MCUB: variants seen among roughly 807,000 people sequenced by gnomAD.
MCUB encodes mitochondrial calcium uniporter dominant negative subunit beta, also known as calcium uniporter regulatory subunit MCUb, mitochondrial.
A neutral mutation model predicts 41.4 loss-of-function variants in MCUB; 46 were observed. The observed-to-expected ratio is 1.11, with a 90% CI of 0.88 to 1.42. The LOEUF (loss-of-function observed/expected upper bound fraction) is 1.42, where lower values mean the gene tolerates loss of function less well. Among genes scored for constraint, MCUB ranks in the 40% most tolerant of loss-of-function variants. The pLI, the probability that MCUB is intolerant of heterozygous loss-of-function variation, is 0.00. For synonymous variants in MCUB, 148 were observed against 148.2 expected, an observed-to-expected ratio of 1.00 and a Z score of 0.01; for missense variants, 403 against 404.9, an observed-to-expected ratio of 1.00 and a Z score of 0.04.
intron 1 of MCUB, among the ~76,000 whole-genome samples, chr4:109,563,938 T>C (rs1726700935): frequency 6.6e-6 from 1 of 152,036 alleles, no homozygotes; most frequent in Non-Finnish European, 1.5e-5. Flanking sequence ...GACCTAATAA[T>C]CTACTCAATC....
At chr4:109,562,712 G>C (rs914188615) in intron 1 of MCUB, among the ~76,000 whole-genome samples, 1 of 152,156 alleles carries the variant, frequency 6.6e-6, no homozygotes, top group Non-Finnish European at 1.5e-5. Context: ...AGGACTTGTC[G>C]TAAGCAGTAT....
intron 1 of MCUB, among the ~76,000 whole-genome samples, chr4:109,644,589 A>G (rs1194252697): frequency 6.6e-6 from 1 of 152,190 alleles, no homozygotes; most frequent in African/African-American, 2.4e-5. Context: ...TCCTCATTGG[A>G]AAGGAACACA....
intron 1 of MCUB, among the ~76,000 whole-genome samples, chr4:109,657,860 CT>C: frequency 6.6e-6 from 1 of 152,250 alleles, no homozygotes; most frequent in East Asian, 1.9e-4. Context: ...ATAGAACTTT[CT>C]GTGATGATAG....
At chr4:109,566,469 CAA>C (rs60385848) in intron 1 of MCUB, among the ~76,000 whole-genome samples, 15,561 of 132,376 alleles carry the variant, frequency 0.12, 1,539 homozygotes, top group African/African-American at 0.28. Flanking sequence ...GACTCTGTCT[CAA>C]AAAAAAAAAA....
chr4:109,610,271 G>A (rs975710483), intron 1 of MCUB, among the ~76,000 whole-genome samples: 1 of 152,218 alleles, frequency 6.6e-6, no homozygotes, highest in African/African-American at 2.4e-5. Flanking sequence ...TCTACCCCAT[G>A]TGGCCGAACT....
chr4:109,584,713 CA>C (rs1282311260), intron 1 of MCUB, among the ~76,000 whole-genome samples: 1 of 152,118 alleles, frequency 6.6e-6, no homozygotes, highest in African/African-American at 2.4e-5. Flanking sequence ...GTTATTTACC[CA>C]GTAGTCATTC....
intron 3 of MCUB, among the ~76,000 whole-genome samples, chr4:109,663,504 C>T (rs1159163854): frequency 2.0e-5 from 3 of 152,000 alleles, no homozygotes; most frequent in Non-Finnish European, 2.9e-5. Context: ...CAAAATAAAC[C>T]ATACAATGCA....
intron 1 of MCUB, among the ~76,000 whole-genome samples, chr4:109,601,332 T>C (rs1347014438): frequency 1.3e-5 from 2 of 152,116 alleles, no homozygotes; most frequent in African/African-American, 4.8e-5. Flanking sequence ...AAATACTAGG[T>C]CTTATTCTTT....
At chr4:109,686,961 A>AG (rs1729857175) in intron 7 of MCUB, among the ~76,000 whole-genome samples, 1 of 150,942 alleles carries the variant, frequency 6.6e-6, no homozygotes, top group African/African-American at 2.5e-5. Flanking sequence ...TGGTAGGTTA[A>AG]GGGTTTTTTT....
chr4:109,684,643 A>G lies in MCUB; in HGVS notation c.813A>G (p.Arg271=), dbSNP rs538146669. 2.1e-6 allele frequency: 3 copies of G among 1,399,330 alleles called. No individual in the cohort carries two copies. In the African/African-American group the frequency reaches 4.3e-5, roughly 20 times the overall value. The allele number at this position is 1,399,330 out of a possible 1,614,324, so 86.7% of individuals were successfully genotyped here. The part of the protein sequence containing the change: ...MVFFAYFIVT[R]QDYTYSAVKS... ...TTTTTGCATACTTTATAGTCACTCG[A>G]CAGGTGAGTAGTTTGTTAGGAAAAT... Residue 271 remains arginine, a synonymous_variant, in exon 6 of 8, where the codon CGA becomes CGG. Coordinates refer to ENST00000394650, the MANE Select transcript of MCUB (RefSeq NM_017918.5).
chr4:109,571,398 C>T (rs546329881), intron 1 of MCUB, among the ~76,000 whole-genome samples: 7 of 152,216 alleles, frequency 4.6e-5, no homozygotes, highest in African/African-American at 9.6e-5. Flanking sequence ...CTGCAACCTC[C>T]GCCTCCCAGG....
At chr4:109,685,481 G>A in intron 7 of MCUB, 114 bp downstream of exon 7, 1 of 555,486 alleles carries the variant, frequency 1.8e-6, no homozygotes, top group African/African-American at 1.9e-5. Context: ...AGATTTCTGT[G>A]TGTTGTGGGA....
At chr4:109,615,002 T>C (rs1018008499) in intron 1 of MCUB, among the ~76,000 whole-genome samples, 2 of 152,154 alleles carry the variant, frequency 1.3e-5, no homozygotes, top group Non-Finnish European at 2.9e-5. Flanking sequence ...ACAGAACAAG[T>C]GCTTTCAGAA....
At chr4:109,632,866 C>T (rs1278170079) in intron 1 of MCUB, among the ~76,000 whole-genome samples, 2 of 152,092 alleles carry the variant, frequency 1.3e-5, no homozygotes, top group East Asian at 1.9e-4. Context: ...CCGCCTGCCT[C>T]GGCCTCCCAA....
chr4:109,593,488 A>G (rs1356652334), intron 1 of MCUB, among the ~76,000 whole-genome samples: 1 of 152,242 alleles, frequency 6.6e-6, no homozygotes, highest in African/African-American at 2.4e-5. Context: ...TGATTATCTG[A>G]GATCACGCTG....
At chr4:109,599,754 T>C (rs972113207) in intron 1 of MCUB, among the ~76,000 whole-genome samples, 2 of 152,048 alleles carry the variant, frequency 1.3e-5, no homozygotes, top group South Asian at 2.1e-4. Flanking sequence ...CTGCAACCTC[T>C]ACCTCCCAGG....
chr4:109,626,040 A>G lies in MCUB; in HGVS notation c.100-32971A>G, dbSNP rs185119937. ...TTTTAGTTACAAATGGGTGTCCTAGATTAGGGTTTCTGTTGACCAGTGTCC... is the reference window on the plus strand; with the variant it reads ...TTTTAGTTACAAATGGGTGTCCTAGGTTAGGGTTTCTGTTGACCAGTGTCC... On this transcript the variant is annotated intron_variant, in intron 1 of 7. Transcript: ENST00000394650. Among the ~76,000 whole-genome samples the G allele has an allele frequency of 1.4e-3, 214 of 152,206 alleles. 1 individual carries two copies. Among genetic ancestry groups the G allele is most frequent in the African/African-American group, 4.8e-3 (200 of 41,514 alleles).
intron 4 of MCUB, among the ~76,000 whole-genome samples, chr4:109,674,865 T>G (rs1729538278): frequency 6.6e-6 from 1 of 152,284 alleles, no homozygotes; most frequent in Non-Finnish European, 1.5e-5. Context: ...ATGTGTGTGT[T>G]GCTTATTTTT....
At chr4:109,606,561 G>A (rs1007984812) in intron 1 of MCUB, among the ~76,000 whole-genome samples, 6 of 151,772 alleles carry the variant, frequency 4.0e-5, no homozygotes, top group African/African-American at 1.5e-4. Context: ...CATGAGGCTT[G>A]CAAATACTAT....
Sources: gnomAD v4.1 joint callset for allele counts (sites outside exome capture counted in the v4.1 genomes callset) on GRCh38, gnomAD v4.1.1 for gene constraint, MANE v1.5 for transcripts, NCBI Gene and HGNC (gene_info 2026-07-23, HGNC 2026-07-21) for gene names.